Variants in ARAP1 observed in about 807,000 individuals in gnomAD.
ARAP1 encodes the protein arf-GAP with Rho-GAP domain, ANK repeat and PH domain-containing protein 1.
ARAP1 carries 76 observed loss-of-function variants against 172.2 expected under a neutral mutation model. The ratio of observed to expected loss-of-function variants is 0.44; its 90% CI spans 0.37 to 0.53. The LOEUF is 0.53. Ranked by LOEUF, ARAP1 falls within the 20% of genes least tolerant of loss-of-function variation. The pLI, the probability that ARAP1 is intolerant of heterozygous loss-of-function variation, is 0.00. For missense variants in ARAP1, 1,686 were observed against 1,977.5 expected (o/e 0.85, Z 2.80); for synonymous variants, 804 against 803.3 (o/e 1.00, Z -0.01).
rs1198233642 is a variant in ARAP1, at chr11:72,685,772, T to C, written c.4336-91A>G. 2.6e-6 allele frequency: 4 copies of C among 1,547,914 alleles called. No individual in the cohort carries two copies. The Admixed American group carries it at 5.1e-5, about 20-fold the overall frequency. ...GCTGCTGCAGCTGCTGCAGCCACTC[T>C]CCACTGCCAGCCGGGGAGCACTCCA... is the stretch of plus-strand genomic sequence containing the variant. On this transcript the variant is annotated intron_variant, in intron 34 of 34. Transcript: ENST00000393609.
intron 13 of ARAP1, chr11:72,704,578 G>A: frequency 2.0e-6 from 1 of 492,796 alleles, no homozygotes; most frequent in South Asian, 2.8e-5. Context: ...CAGACTGACA[G>A]GTGGATGCCT....
Position 72,693,165 on chromosome 11 carries a change from C to T in ARAP1, c.3954+160G>A. 2.5e-6 allele frequency: 3 copies of T among 1,183,140 alleles called. No individual in the cohort carries two copies. The South Asian group carries it at 4.7e-5, about 19-fold the overall frequency. 73.3% of individuals were successfully genotyped at this position (1,183,140 alleles called of 1,614,324 possible). A position where few individuals can be genotyped will look rare whatever the true frequency, so the allele number is the denominator to read the frequency against. On this transcript the variant is annotated intron_variant, in intron 29 of 34. Transcript: ENST00000393609. This position sits in a 1 kb window ranked among gnomAD's most constrained non-coding sequence, Gnocchi z 4.6. The stretch of plus-strand genomic sequence containing the variant: ...ACACTAGAGTGGCCGTCCAGGGCCA[C>T]AGCAGGAGGGGTCTTGAGAGTCTAC...
intron 4 of ARAP1, 52 bp from the exon 5 acceptor site, chr11:72,713,295 C>T (rs1026027380): frequency 6.5e-7 from 1 of 1,535,386 alleles, no homozygotes. Flanking sequence ...GGCCTCCTCT[C>T]CTGGGGCACC....
chr11:72,751,666 G>A (rs1858534950), intron 1 of ARAP1, among the ~76,000 whole-genome samples: 1 of 152,010 alleles, frequency 6.6e-6, no homozygotes, highest in South Asian at 2.1e-4. Context: ...TGGGGGAAGG[G>A]ACGGTATATA....
In ARAP1 at chr11:72,704,268, C is replaced by T. The variant is rs776227382; in HGVS notation, c.1876G>A (p.Ala626Thr). Residue 626 changes from alanine to threonine, a missense_variant, in exon 14 of 35, where the codon GCC (alanine) becomes ACC (threonine). By Grantham distance (58) the Ala-to-Thr change is moderately conservative (BLOSUM62 0). Around this residue, in one of 5 missense-constraint regions of ARAP1, gnomAD observed 688 missense variants for 856.9 expected, o/e 0.80. Coordinates refer to ENST00000393609, the MANE Select transcript of ARAP1 (RefSeq NM_001040118.3). ...FWAANVPPSE[A>T]LQPSSSPSTR... ...CTGGGGCTGCTGCTGGGCTGCAGGG[C>T]CTCACTGGGGGGCACGTTGGCTGCC... is the stretch of plus-strand genomic sequence containing the variant. The T allele has an allele frequency of 4.7e-5, 76 of 1,612,892 alleles. No homozygotes were observed. Among genetic ancestry groups the T allele is most frequent in the Middle Eastern group, 1.6e-4 (1 of 6,072 alleles).
At chr11:72,688,294 T>C (rs1290468171) in intron 31 of ARAP1, among the ~76,000 whole-genome samples, 161 bp downstream of exon 31, 1 of 152,094 alleles carries the variant, frequency 6.6e-6, no homozygotes. Flanking sequence ...AGAGAATTTG[T>C]GTTGAAGGTG....
At chr11:72,716,417 C>T (rs1294753710) in intron 3 of ARAP1, among the ~76,000 whole-genome samples, 2 of 152,252 alleles carry the variant, frequency 1.3e-5, no homozygotes, top group Non-Finnish European at 2.9e-5. Context: ...CAGCTCTGTT[C>T]CCCTAGAAAC....
intron 14 of ARAP1, chr11:72,703,525 G>T (rs1038522228): frequency 6.7e-5 from 11 of 165,082 alleles, no homozygotes; most frequent in Non-Finnish European, 1.5e-4. Context: ...AGACTGGGTT[G>T]GGCTGGGAGC....
chr11:72,692,697 C>T (rs961339626), intron 30 of ARAP1, 56 bp downstream of exon 30: 3 of 1,609,396 alleles, frequency 1.9e-6, no homozygotes, highest in African/African-American at 2.7e-5. Context: ...TCCCACCCAG[C>T]TCATTTGGCC....
chr11:72,703,101 T>C, intron 14 of ARAP1, 22 bp from the exon 15 acceptor site: 1 of 1,524,826 alleles, frequency 6.6e-7, no homozygotes, highest in Non-Finnish European at 8.8e-7. Flanking sequence ...CAGGGGAGGG[T>C]CAGCCCAAGA....
At position 72,685,824 on chromosome 11, in the gene ARAP1, C is replaced by T. The variant is rs761907677; in HGVS notation, c.4336-143G>A. 3 of 1,369,518 alleles carry T rather than the reference C, an allele frequency of 2.2e-6. No homozygotes were observed. The South Asian group carries it at 3.6e-5, about 17-fold the overall frequency. 84.8% of individuals were successfully genotyped at this position (1,369,518 alleles called of 1,614,324 possible). A position where few individuals can be genotyped will look rare whatever the true frequency, so the allele number is the denominator to read the frequency against. ...TCAGCCAGGCTCCCAGCTCCCAGGG[C>T]CAGGCAGAGGGGACTCCCAGCTTCC... On this transcript the variant is annotated intron_variant, in intron 34 of 34. Transcript: ENST00000393609.
rs1856131056 is a variant in ARAP1, at chr11:72,695,250, G to T, written c.3576+137C>A. ...TATTTCTGAGTGGTCCTTAGGAGCA[G>T]ACCCCAGCACCAGCCAGATACAGGT... On this transcript the variant is annotated intron_variant, in intron 26 of 34. Transcript: ENST00000393609. This position sits in a 1 kb window ranked among gnomAD's most constrained non-coding sequence, Gnocchi z 4.4. 1 of 1,357,950 alleles carries T rather than the reference G, an allele frequency of 7.4e-7. No individual in the cohort carries two copies. Among genetic ancestry groups the T allele is most frequent in the Non-Finnish European group, 1.0e-6 (1 of 968,004 alleles). 84.1% of individuals were successfully genotyped at this position (1,357,950 alleles called of 1,614,324 possible).
intron 1 of ARAP1, among the ~76,000 whole-genome samples, chr11:72,745,020 G>A (rs58744558): frequency 0.016 from 2,397 of 152,180 alleles, 57 homozygotes; most frequent in African/African-American, 0.055. Flanking sequence ...CACGGGAGCC[G>A]CTACCCCAGA....
chr11:72,710,324 G>C lies in ARAP1; in HGVS notation c.1416+61C>G. ...AGAAAAGGCAGGGCTAAGGCCCTAG[G>C]TCAGCCTGGGGCAGGGTAGGTGGAC... is the stretch of plus-strand genomic sequence containing the variant. On this transcript the variant is annotated intron_variant, in intron 10 of 34. Transcript: ENST00000393609. The surrounding 1 kb of genome is among the most constrained non-coding windows in gnomAD (Gnocchi z 4.3). 1 of 1,594,938 alleles carries C rather than the reference G, an allele frequency of 6.3e-7. No homozygotes were observed. The highest frequency in any genetic ancestry group is 8.6e-7 in the Non-Finnish European group (1 of 1,165,318).
Position 72,697,601 on chromosome 11 carries a change from C to T in ARAP1, c.2786G>A (p.Arg929Lys). ...ENQVLVLVER[R>K]RTLYIQGERR... ...CCTCAGGGAGGCCGTGGCTCACCTC[C>T]TTCGCTCCACCAGCACCAGCACCTG... The change falls in exon 20 of 35, where the codon AGG (arginine) becomes AAG (lysine). Residue 929 changes from arginine (R) to lysine (K), a missense_variant. Arg to Lys is a conservative substitution (Grantham distance 26). Around this residue, in one of 5 missense-constraint regions of ARAP1, gnomAD observed 274 missense variants for 262.7 expected, o/e 1.04. Transcript: ENST00000393609. The T allele has an allele frequency of 6.2e-7, 1 of 1,614,156 alleles. No individual in the cohort carries two copies. Among genetic ancestry groups the T allele is most frequent in the Non-Finnish European group, 8.5e-7 (1 of 1,179,982 alleles).
chr11:72,718,071 C>T (rs772192097), intron 3 of ARAP1, among the ~76,000 whole-genome samples: 7 of 152,182 alleles, frequency 4.6e-5, no homozygotes, highest in Admixed American at 1.3e-4. Context: ...CCGTGTCTCA[C>T]GAAGGTGGAA....
intron 1 of ARAP1, among the ~76,000 whole-genome samples, chr11:72,745,010 C>G (rs959503895): frequency 2.6e-5 from 4 of 152,160 alleles, no homozygotes; most frequent in Non-Finnish European, 1.5e-5. Flanking sequence ...CTTCACCAAG[C>G]ACGGGAGCCG....
In ARAP1 at chr11:72,710,343, G is replaced by C; in HGVS notation, c.1416+42C>G. The C allele has an allele frequency of 6.2e-7, 1 of 1,608,102 alleles. No individual in the cohort carries two copies. The highest frequency in any genetic ancestry group is 1.1e-5 in the South Asian group (1 of 90,624). On this transcript the variant is annotated intron_variant, in intron 10 of 34. Coordinates refer to ENST00000393609, the MANE Select transcript of ARAP1 (RefSeq NM_001040118.3). The surrounding 1 kb of genome is among the most constrained non-coding windows in gnomAD (Gnocchi z 4.3). Reference sequence around the variant, plus strand: ...CCCTAGGTCAGCCTGGGGCAGGGTAGGTGGACATGGGCAGGGGAGAGGTTC... The same window carrying C: ...CCCTAGGTCAGCCTGGGGCAGGGTACGTGGACATGGGCAGGGGAGAGGTTC...
chr11:72,698,100 C>G lies in ARAP1; in HGVS notation c.2548G>C (p.Val850Leu), dbSNP rs768890682. 1 of 1,594,876 alleles carries G rather than the reference C, an allele frequency of 6.3e-7. No individual in the cohort carries two copies. ...EWVKCIAKAF[V>L]PPLAEDLLAR... The stretch of plus-strand genomic sequence containing the variant: ...AGCAGATCCTCGGCTAGGGGAGGCA[C>G]GAATGCCTGGCAGAGAGGCGCCGGG... Residue 850 changes from valine to leucine, a missense_variant, in exon 19 of 35, where the codon GTG becomes CTG. Val to Leu is a conservative substitution (Grantham distance 32). Around this residue, in one of 5 missense-constraint regions of ARAP1, gnomAD observed 688 missense variants for 856.9 expected, o/e 0.80. Transcript: ENST00000393609.
Sources: allele counts gnomAD v4.1 joint callset (sites outside exome capture counted in the v4.1 genomes callset), GRCh38; gene constraint gnomAD v4.1.1; regional missense constraint gnomAD v4.1.1; non-coding constraint Gnocchi (gnomAD v3.1); transcripts MANE v1.5; gene names NCBI Gene and HGNC (gene_info 2026-07-23, HGNC 2026-07-21).